Variants in URB1 observed in about 807,000 individuals in gnomAD.
URB1 encodes nucleolar pre-ribosomal-associated protein 1.
URB1 carries 197 observed loss-of-function variants against 242.3 expected under a neutral mutation model. The ratio of observed to expected loss-of-function variants is 0.81; its 90% CI spans 0.72 to 0.91. The LOEUF is 0.91. Ranked by LOEUF, URB1 falls within the 40% of genes least tolerant of loss-of-function variation. The pLI is 0.00. For missense variants in URB1, 2,721 were observed against 2,860.5 expected (o/e 0.95, Z 1.11); for synonymous variants, 1,153 against 1,201.8 (o/e 0.96, Z 0.84).
At chr21:32,325,456 A>C (rs1297268859) in intron 30 of URB1, 67 bp from the exon 31 acceptor site, 5 of 1,489,310 alleles carry the variant, frequency 3.4e-6, no homozygotes, top group African/African-American at 1.4e-5. Flanking sequence ...TAACCTGGAG[A>C]ATTAAATTTC....
intron 20 of URB1, 109 bp downstream of exon 20, chr21:32,350,595 G>T: frequency 7.8e-7 from 1 of 1,284,568 alleles, no homozygotes; most frequent in Non-Finnish European, 1.1e-6. Flanking sequence ...TGCCTCTGCA[G>T]TGAGTTCCAG....
In URB1 at chr21:32,316,554, A is replaced by G. The variant is rs7279896; in HGVS notation, c.6546T>C (p.Ala2182=). Residue 2182 remains alanine, a synonymous_variant, in exon 38 of 39, where the codon GCT becomes GCC. Transcript: ENST00000382751. The part of the protein sequence containing the change: ...LFNTVMLQLV[A]AQGRAGSPFH... ...AGGGGCTCCCTGCCCGGCCCTGGGCAGCCACCAGCTGCAGCATGACCGTAT... is the reference window on the plus strand; with the variant it reads ...AGGGGCTCCCTGCCCGGCCCTGGGCGGCCACCAGCTGCAGCATGACCGTAT... 0.14 allele frequency: 211,523 copies of G among 1,551,088 alleles called. 21,054 individuals are homozygous for G. Among genetic ancestry groups the G allele is most frequent in the African/African-American group, 0.52 (38,373 of 73,108 alleles).
chr21:32,360,415 A>G (rs941146805), intron 13 of URB1, among the ~76,000 whole-genome samples: 1 of 152,206 alleles, frequency 6.6e-6, no homozygotes. Context: ...TCACCTTCAA[A>G]TGATTAAAAA....
chr21:32,317,490 T>G lies in URB1; in HGVS notation c.6034+186A>C, dbSNP rs146623907. Among the ~76,000 whole-genome samples, 408 of 152,312 alleles carry G rather than the reference T, an allele frequency of 2.7e-3. 3 individuals carry two copies. The highest frequency in any genetic ancestry group is 9.4e-3 in the African/African-American group (392 of 41,578). Reference sequence around the variant, plus strand: ...GACTTCTCCAAAGACAGGGAGCTAGTAAGCAGCTGGGCTGAAACTCAAAGG... The same window carrying G: ...GACTTCTCCAAAGACAGGGAGCTAGGAAGCAGCTGGGCTGAAACTCAAAGG... On this transcript the variant is annotated intron_variant, in intron 37 of 38. Transcript: ENST00000382751.
At chr21:32,325,723 G>A (rs1162664646) in intron 30 of URB1, among the ~76,000 whole-genome samples, 1 of 152,176 alleles carries the variant, frequency 6.6e-6, no homozygotes, top group Non-Finnish European at 1.5e-5. Context: ...CCAGAGGCCT[G>A]GGGAACACAA....
intron 15 of URB1, 60 bp from the exon 16 acceptor site, chr21:32,355,625 T>G: frequency 7.4e-7 from 1 of 1,344,808 alleles, no homozygotes; most frequent in East Asian, 2.5e-5. Context: ...TTTCTTTTCT[T>G]TGAGACAGGG....
At chr21:32,372,445 C>A in intron 8 of URB1, 62 bp downstream of exon 8, 1 of 1,521,208 alleles carries the variant, frequency 6.6e-7, no homozygotes. Flanking sequence ...TAGACACTCA[C>A]ATATGTGGTG....
At chr21:32,345,135 T>A (rs2033071472) in intron 23 of URB1, among the ~76,000 whole-genome samples, 1 of 152,052 alleles carries the variant, frequency 6.6e-6, no homozygotes, top group African/African-American at 2.4e-5. Context: ...AATTGTCCCC[T>A]GGGAGAAAAT....
rs530019323 is a variant in URB1, at chr21:32,358,307, T to C, written c.1870-651A>G. Among the ~76,000 whole-genome samples, 105 of 152,332 alleles carry C rather than the reference T, an allele frequency of 6.9e-4. 1 individual carries two copies. The highest frequency in any genetic ancestry group is 3.1e-3 in the East Asian group (16 of 5,192). ...ACTGGGAAGGCACCTGGCTGTTTAC[T>C]GGGAACCAAGGCAGATGCTGTGCTG... On this transcript the variant is annotated intron_variant, in intron 14 of 38. Transcript: ENST00000382751.
chr21:32,333,935 T>G (rs997408563), intron 29 of URB1, among the ~76,000 whole-genome samples: 1 of 152,188 alleles, frequency 6.6e-6, no homozygotes, highest in Non-Finnish European at 1.5e-5. Context: ...ATAATCTCCT[T>G]GGGGGCAGGG....
In URB1 at chr21:32,334,256, C is replaced by T. The variant is rs1463009561; in HGVS notation, c.4764G>A (p.Pro1588=). 38 of 1,551,412 alleles carry T rather than the reference C, an allele frequency of 2.4e-5. No homozygotes were observed. The highest frequency in any genetic ancestry group is 6.8e-5 in the African/African-American group (5 of 73,030). ...RSLGRSLWQQ[P]SVGDILRLLD... ...GCAGGCGAAGGATGTCCCCGACACT[C>T]GGCTGCTGCCACAGTGACCTGCCCA... Residue 1588 remains proline, a synonymous_variant, in exon 29 of 39, where the codon CCG becomes CCA. Coordinates refer to ENST00000382751, the MANE Select transcript of URB1 (RefSeq NM_014825.3).
At chr21:32,350,653 C>T (rs1253421327) in intron 20 of URB1, 51 bp downstream of exon 20, 1 of 1,533,544 alleles carries the variant, frequency 6.5e-7, no homozygotes, top group South Asian at 1.2e-5. Flanking sequence ...GAAGGCTTAG[C>T]TCTCTGGTGG....
At chr21:32,356,245 G>A (rs537490039) in intron 15 of URB1, among the ~76,000 whole-genome samples, 21 of 152,266 alleles carry the variant, frequency 1.4e-4, no homozygotes, top group African/African-American at 4.3e-4. Context: ...AAAAGTAGCC[G>A]GGTTAGTGGT....
chr21:32,377,247 G>C, intron 5 of URB1: 1 of 518,926 alleles, frequency 1.9e-6, no homozygotes, highest in South Asian at 1.4e-5. Context: ...CAATGGTTCA[G>C]GGCTACAGTT....
chr21:32,347,025 C>T lies in URB1; in HGVS notation c.3799G>A (p.Asp1267Asn), dbSNP rs749444981. The change falls in exon 22 of 39, where the codon GAC (aspartate) becomes AAC (asparagine). Residue 1267 changes from aspartate (D) to asparagine (N), a missense_variant. Asp to Asn is a conservative substitution (Grantham distance 23). Coordinates refer to ENST00000382751, the MANE Select transcript of URB1 (RefSeq NM_014825.3). ...PGLGLQGDLDDFLPLIHVYLQ... is the reference protein window; with the variant it reads ...PGLGLQGDLDNFLPLIHVYLQ... ...TACACATGGATGAGGGGAAGGAAGT[C>T]GTCCAGGTCCCCCTGGAGGCCGAGC... 1.0e-5 allele frequency: 16 copies of T among 1,547,992 alleles called. No homozygotes were observed. Among genetic ancestry groups the T allele is most frequent in the East Asian group, 2.4e-5 (1 of 40,820 alleles).
chr21:32,357,865 T>TA (rs2033241533), intron 14 of URB1, among the ~76,000 whole-genome samples: 1 of 151,952 alleles, frequency 6.6e-6, no homozygotes, highest in Admixed American at 6.6e-5. Flanking sequence ...CTGTCTCTAC[T>TA]AAAAAATACA....
intron 22 of URB1, among the ~76,000 whole-genome samples, chr21:32,346,035 C>T (rs1041095001): frequency 2.6e-5 from 4 of 152,146 alleles, no homozygotes; most frequent in Admixed American, 1.3e-4. Context: ...AGGCAGGTCC[C>T]TCATGAATGG....
chr21:32,313,624 C>T lies in URB1; in HGVS notation c.*1294G>A, dbSNP rs1159769149. 6.6e-6 allele frequency: 1 copy of T among 152,102 alleles called. No individual in the cohort carries two copies. Among genetic ancestry groups the T allele is most frequent in the African/African-American group, 2.4e-5 (1 of 41,384 alleles). The allele number at this position is 152,102 out of a possible 1,614,324, so 9.4% of individuals were successfully genotyped here. ...AACTTTAAGTCACCTAAAACAGAAA[C>T]AATTCTAAAGAACACTGGTGGAAAA... On this transcript the variant is annotated 3_prime_UTR_variant, in exon 39 of 39. Transcript: ENST00000382751.
intron 6 of URB1, among the ~76,000 whole-genome samples, chr21:32,374,512 TTCC>T (rs1447256759): frequency 6.6e-6 from 1 of 152,226 alleles, no homozygotes; most frequent in African/African-American, 2.4e-5. Context: ...GATACAACAC[TTCC>T]TCCTCAAGAA....
Sources: gnomAD v4.1 joint callset for allele counts (sites outside exome capture counted in the v4.1 genomes callset) on GRCh38, gnomAD v4.1.1 for gene constraint, MANE v1.5 for transcripts, NCBI Gene and HGNC (gene_info 2026-07-23, HGNC 2026-07-21) for gene names.